The following DMD variants were observed in gnomAD, a reference collection of about 807,000 sequenced individuals.
DMD encodes mutant dystrophin.
Under a neutral mutation model 330.1 loss-of-function variants are expected in DMD, and 63 were observed. The observed-to-expected ratio is 0.19, with a 90% CI of 0.16 to 0.24. The LOEUF (loss-of-function observed/expected upper bound fraction) is 0.24. DMD is among the 10% of genes least tolerant of loss of function. The pLI is 1.00. For synonymous variants in DMD, 1,223 were observed against 959.8 expected, an observed-to-expected ratio of 1.27 and a Z score of -5.07; for missense variants, 3,344 against 2,684.1, an observed-to-expected ratio of 1.25 and a Z score of -5.43.
intron 1 of DMD, among the ~76,000 whole-genome samples, chrX:33,327,035 T>G (rs1440198868): frequency 8.9e-6 from 1 of 112,371 alleles, no homozygotes; most frequent in Non-Finnish European, 1.9e-5. Context: ...CTTTATACAT[T>G]TAAGGAATTA....
chrX:33,164,443 T>G (rs1225122707), intron 1 of DMD, among the ~76,000 whole-genome samples: 1 of 111,930 alleles, frequency 8.9e-6, no homozygotes, highest in Non-Finnish European at 1.9e-5. Flanking sequence ...TAAATTCACC[T>G]TTAGATTATC....
chrX:32,438,519 G>A, intron 28 of DMD, 129 bp from the exon 29 acceptor site: 2 of 820,743 alleles, frequency 2.4e-6, no homozygotes, highest in South Asian at 4.8e-5. Context: ...AATTTTAATT[G>A]GGATTAAAAA....
intron 4 of DMD, among the ~76,000 whole-genome samples, chrX:32,835,939 A>G (rs2079574368): frequency 9.0e-6 from 1 of 111,191 alleles, no homozygotes; most frequent in Non-Finnish European, 1.9e-5. Context: ...GTTTCTTTTC[A>G]TAGGTTTATA....
At chrX:32,963,844 G>C (rs189307380) in intron 2 of DMD, among the ~76,000 whole-genome samples, 101 of 111,197 alleles carry the variant, frequency 9.1e-4, no homozygotes, top group African/African-American at 3.1e-3. Flanking sequence ...AAAAATATGA[G>C]GACAATAAAG....
Position 31,196,451 on chromosome X carries a change from G to C in DMD, c.9807+7510C>G, listed in dbSNP as rs146421468. On this transcript the variant is annotated intron_variant, in intron 67 of 78. Transcript: ENST00000357033. The stretch of plus-strand genomic sequence containing the variant: ...TATGGAACCAAAGGGCCCACAGTCT[G>C]ATTAATACACAAAAAGCCAAAGGAA... Among the ~76,000 whole-genome samples, 1,002 of 111,340 alleles carry C rather than the reference G, an allele frequency of 9.0e-3. 12 individuals are homozygous for C. Among genetic ancestry groups the C allele is most frequent in the African/African-American group, 0.031 (952 of 30,635 alleles).
intron 7 of DMD, among the ~76,000 whole-genome samples, chrX:32,804,698 G>A (rs1303428598): frequency 8.9e-6 from 1 of 112,316 alleles, no homozygotes; most frequent in Non-Finnish European, 1.9e-5. Flanking sequence ...CCCAGCAGGG[G>A]TCGACAGACA....
chrX:31,605,616 C>G lies in DMD; in HGVS notation c.8217+22057G>C, dbSNP rs143038772. On this transcript the variant is annotated intron_variant, in intron 55 of 78. Coordinates refer to ENST00000357033, the MANE Select transcript of DMD (RefSeq NM_004006.3). The stretch of plus-strand genomic sequence containing the variant: ...GTAGCAGTGTAATACATTAAAATGC[C>G]TGTATCTCTTGCTCTAAATGAATCA... 4.6e-3 allele frequency among the ~76,000 whole-genome samples: 519 copies of G among 111,738 alleles called. 2 individuals are homozygous for G. Among genetic ancestry groups the G allele is most frequent in the African/African-American group, 0.016 (491 of 30,820 alleles).
At chrX:32,340,585 A>G (rs2097736656) in intron 41 of DMD, among the ~76,000 whole-genome samples, 1 of 111,835 alleles carries the variant, frequency 8.9e-6, no homozygotes, top group Non-Finnish European at 1.9e-5. Flanking sequence ...TTAAACCTGC[A>G]TATTGGGTGT....
chrX:33,238,939 T>C (rs964882310), intron 1 of DMD, among the ~76,000 whole-genome samples: 1 of 110,510 alleles, frequency 9.0e-6, no homozygotes, highest in African/African-American at 3.3e-5. Context: ...AGCATCGCCG[T>C]TATATATGAG....
intron 17 of DMD, among the ~76,000 whole-genome samples, chrX:32,543,904 A>C (rs1488985423): frequency 8.9e-6 from 1 of 112,471 alleles, no homozygotes; most frequent in East Asian, 2.8e-4. Flanking sequence ...GTAATGCGAA[A>C]GTAATCATAA....
chrX:31,829,073 G>A (rs2092958812), intron 49 of DMD, among the ~76,000 whole-genome samples: 1 of 111,846 alleles, frequency 8.9e-6, no homozygotes, highest in African/African-American at 3.3e-5. Context: ...CTCTTTTGCA[G>A]CAACTTGAAT....
At chrX:31,368,163 T>G (rs1446835047) in intron 60 of DMD, among the ~76,000 whole-genome samples, 1 of 111,994 alleles carries the variant, frequency 8.9e-6, no homozygotes, top group Non-Finnish European at 1.9e-5. Context: ...GCTTCCTGGG[T>G]GGGCAAGCAT....
At chrX:31,699,810 T>G (rs1343752516) in intron 52 of DMD, among the ~76,000 whole-genome samples, 1 of 111,694 alleles carries the variant, frequency 9.0e-6, no homozygotes, top group African/African-American at 3.3e-5. Context: ...CAACAAAATC[T>G]AGAGAGTGGG....
intron 59 of DMD, among the ~76,000 whole-genome samples, chrX:31,474,818 T>A (rs746384563): frequency 9.0e-6 from 1 of 110,839 alleles, no homozygotes; most frequent in Admixed American, 9.7e-5. Flanking sequence ...AGGGCTTAAA[T>A]TGCTGAGTGG....
intron 60 of DMD, among the ~76,000 whole-genome samples, chrX:31,369,745 C>T (rs1309440490): frequency 9.0e-6 from 1 of 111,216 alleles, no homozygotes; most frequent in Non-Finnish European, 1.9e-5. Context: ...TCTGACCTTA[C>T]TTCAATAATC....
At chrX:32,063,129 T>C (rs772128735) in intron 44 of DMD, among the ~76,000 whole-genome samples, 1 of 109,886 alleles carries the variant, frequency 9.1e-6, no homozygotes, top group Non-Finnish European at 1.9e-5. Flanking sequence ...ATATAACACA[T>C]GTTATACTTT....
intron 42 of DMD, among the ~76,000 whole-genome samples, chrX:32,291,721 T>C (rs975319775): frequency 1.8e-5 from 2 of 111,855 alleles, no homozygotes; most frequent in Admixed American, 1.9e-4. Context: ...AAGTGATCAG[T>C]TCAATTTTGG....
At chrX:32,966,388 T>C (rs1347569225) in intron 2 of DMD, among the ~76,000 whole-genome samples, 5 of 111,351 alleles carry the variant, frequency 4.5e-5, no homozygotes, top group Non-Finnish European at 9.4e-5. Flanking sequence ...GAGTCCCAAG[T>C]ACACCTTGAT....
chrX:31,696,286 A>G (rs1204493873), intron 52 of DMD, among the ~76,000 whole-genome samples: 1 of 111,923 alleles, frequency 8.9e-6, no homozygotes, highest in East Asian at 2.8e-4. Flanking sequence ...TATCAATAGA[A>G]TATTATTCAG....
Sources: allele counts gnomAD v4.1 joint callset (sites outside exome capture counted in the v4.1 genomes callset), GRCh38; gene constraint gnomAD v4.1.1; transcripts MANE v1.5; gene names NCBI Gene and HGNC (gene_info 2026-07-23, HGNC 2026-07-21).